Variants in GOLT1B observed in about 807,000 individuals in gnomAD.
The protein encoded by GOLT1B is vesicle transport protein GOT1B.
GOLT1B carries 3 observed loss-of-function variants against 15.4 expected under a neutral mutation model. That is an observed-to-expected ratio of 0.19 (90% CI 0.09 to 0.50). GOLT1B has a LOEUF of 0.50. Ranked by LOEUF, GOLT1B falls within the 20% of genes least tolerant of loss-of-function variation. GOLT1B has a pLI of 0.97. For synonymous variants in GOLT1B, 65 were observed against 56.2 expected, an observed-to-expected ratio of 1.16 and a Z score of -0.70; for missense variants, 145 against 160.4, an observed-to-expected ratio of 0.90 and a Z score of 0.52.
At position 21,508,433 on chromosome 12, in the gene GOLT1B, C is replaced by A; in HGVS notation, c.168C>A (p.Phe56Leu). Residue 56 changes from phenylalanine (F) to leucine (L), a missense_variant, in exon 3 of 5, where the codon TTC (phenylalanine) becomes TTA (leucine). Coordinates refer to ENST00000229314, the MANE Select transcript of GOLT1B (RefSeq NM_016072.5). The stretch of plus-strand genomic sequence containing the variant: ...TTGTAATTGGTTTAGAAAGAACATT[C>A]AGATTCTTCTTCCAAAAACATAAAA... ...LAFVIGLERT[F>L]RFFFQKHKMK... is the part of the protein sequence containing the mutation. 2 of 1,595,756 alleles carry A rather than the reference C, an allele frequency of 1.3e-6. No individual in the cohort carries two copies. Among genetic ancestry groups the A allele is most frequent in the Non-Finnish European group, 8.6e-7 (1 of 1,165,840 alleles).
intron 3 of GOLT1B, among the ~76,000 whole-genome samples, chr12:21,509,205 C>T (rs1350492217): frequency 2.0e-5 from 3 of 151,958 alleles, no homozygotes; most frequent in Non-Finnish European, 4.4e-5. Flanking sequence ...TCAAGACCAG[C>T]CTGGCCAGCA....
chr12:21,506,938 A>G lies in GOLT1B; in HGVS notation c.79A>G (p.Ile27Val). The G allele has an allele frequency of 1.3e-6, 2 of 1,514,430 alleles. No homozygotes were observed. The highest frequency in any genetic ancestry group is 1.8e-6 in the Non-Finnish European group (2 of 1,091,906). 93.8% of individuals were successfully genotyped at this position (1,514,430 alleles called of 1,614,324 possible). A position where few individuals can be genotyped will look rare whatever the true frequency, so the allele number is the denominator to read the frequency against. The change falls in exon 2 of 5, where the codon ATT becomes GTT. Residue 27 changes from isoleucine (I) to valine (V), a missense_variant. Coordinates refer to ENST00000229314, the MANE Select transcript of GOLT1B (RefSeq NM_016072.5). ...AGTGTTTTTCCTGTTCTTTGGAATG[A>G]TTCTCTTTTTTGACAAAGCACTACT... ...FGVFFLFFGM[I>V]LFFDKALLAI...
At chr12:21,514,871 A>T (rs1329957098) in intron 4 of GOLT1B, among the ~76,000 whole-genome samples, 1 of 152,084 alleles carries the variant, frequency 6.6e-6, no homozygotes, top group Non-Finnish European at 1.5e-5. Context: ...GTGAATCGTG[A>T]AACAAAATAA....
chr12:21,515,915 C>G lies in GOLT1B; in HGVS notation c.*208C>G, dbSNP rs1302685407. ...CTCAAGTGAACTAAGAAGAAGTCAGCAAGCAAACTGAGAGAGGTGAAATCC... is the reference window on the plus strand; with the variant it reads ...CTCAAGTGAACTAAGAAGAAGTCAGGAAGCAAACTGAGAGAGGTGAAATCC... On this transcript the variant is annotated 3_prime_UTR_variant, in exon 5 of 5. Transcript: ENST00000229314. 2.3e-6 allele frequency: 1 copy of G among 438,642 alleles called. No homozygotes were observed. The highest frequency in any genetic ancestry group is 4.0e-6 in the Non-Finnish European group (1 of 251,524). The allele number at this position is 438,642 out of a possible 1,614,324, so 27.2% of individuals were successfully genotyped here. A position where few individuals can be genotyped will look rare whatever the true frequency, so the allele number is the denominator to read the frequency against.
intron 4 of GOLT1B, chr12:21,515,291 G>A: frequency 7.7e-7 from 1 of 1,290,880 alleles, no homozygotes; most frequent in African/African-American, 1.5e-5. Context: ...ATATCTTATT[G>A]GGTTCATTAA....
chr12:21,502,302 C>G (rs1441239425), intron 1 of GOLT1B, among the ~76,000 whole-genome samples: 1 of 152,174 alleles, frequency 6.6e-6, no homozygotes, highest in African/African-American at 2.4e-5. Flanking sequence ...TTGCGTGGTG[C>G]CCGCGGCCCA....
intron 4 of GOLT1B, chr12:21,515,208 C>T (rs1487441894): frequency 7.8e-7 from 1 of 1,275,004 alleles, no homozygotes. Flanking sequence ...AACTATTGAA[C>T]TTAATGGAGT....
intron 1 of GOLT1B, among the ~76,000 whole-genome samples, chr12:21,503,666 TAAAAC>T (rs1290374217): frequency 6.6e-6 from 1 of 152,230 alleles, no homozygotes; most frequent in Admixed American, 6.5e-5. Context: ...GATTGAAACA[TAAAAC>T]GATTAGTGAA....
intron 1 of GOLT1B, 73 bp downstream of exon 1, chr12:21,502,021 CG>C (rs1336250244): frequency 4.7e-6 from 5 of 1,063,568 alleles, no homozygotes; most frequent in Admixed American, 1.8e-5. Flanking sequence ...GCCCCTCCGC[CG>C]GGGTCAATGA....
chr12:21,507,219 TAGATTAAATGAAGGCTG>T (rs2136804630), intron 2 of GOLT1B: 1 of 442,128 alleles, frequency 2.3e-6, no homozygotes, highest in South Asian at 2.3e-5. Context: ...AGATTTACAA[TAGATTAAATGAAGGCTG>T]CCTCTAAATA....
In GOLT1B at chr12:21,508,889, GTAGA is replaced by G. The variant is rs60378515; in HGVS notation, c.296+358_296+361del. On this transcript the variant is annotated intron_variant, in intron 3 of 4. Transcript: ENST00000229314. ...GATCGATCAATCGGTAGGTAGGTAG[GTAGA>G]TAGATAGATAGATAGATAGATAGAT... is the stretch of plus-strand genomic sequence containing the variant. Among the ~76,000 whole-genome samples the G allele has an allele frequency of 7.2e-3, 469 of 65,366 alleles. 4 individuals are homozygous for G. Among genetic ancestry groups the G allele is most frequent in the African/African-American group, 0.012 (342 of 29,708 alleles). The allele number at this position is 65,366 out of a possible 152,430, so 42.9% of individuals were successfully genotyped here. A position where few individuals can be genotyped will look rare whatever the true frequency, so the allele number is the denominator to read the frequency against.
At chr12:21,514,642 C>T (rs909455564) in intron 4 of GOLT1B, among the ~76,000 whole-genome samples, 1 of 152,160 alleles carries the variant, frequency 6.6e-6, no homozygotes, top group African/African-American at 2.4e-5. Flanking sequence ...TAGGGGTATA[C>T]TCTGATTTCA....
intron 1 of GOLT1B, among the ~76,000 whole-genome samples, chr12:21,503,774 C>G (rs977269556): frequency 6.6e-6 from 1 of 152,108 alleles, no homozygotes; most frequent in Non-Finnish European, 1.5e-5. Flanking sequence ...CAGGATTATT[C>G]TGGGATTTTG....
rs1190324224 is a variant in GOLT1B, at chr12:21,516,066, G to C, written c.*359G>C. 5.7e-6 allele frequency: 1 copy of C among 174,714 alleles called. No individual in the cohort carries two copies. Among genetic ancestry groups the C allele is most frequent in the Non-Finnish European group, 1.2e-5 (1 of 83,684 alleles). The allele number at this position is 174,714 out of a possible 1,614,324, so 10.8% of individuals were successfully genotyped here. ...TTCTTTTTATTTTGAAGGCTCAGGA[G>C]CATCCATAGGCATTTGCTTTTTAGA... On this transcript the variant is annotated 3_prime_UTR_variant, in exon 5 of 5. Transcript: ENST00000229314.
chr12:21,504,778 C>G (rs1038411727), intron 1 of GOLT1B, among the ~76,000 whole-genome samples: 1 of 152,162 alleles, frequency 6.6e-6, no homozygotes, highest in Non-Finnish European at 1.5e-5. Flanking sequence ...GTAAACCATA[C>G]TCAGAGATTG....
Position 21,518,285 on chromosome 12 carries a change from C to A in GOLT1B, c.*2578C>A, listed in dbSNP as rs546250055. ...TTTATCAAATGATCTTCACATCTTT[C>A]ATTTCCAAATTGTTGAAATGTACTA... On this transcript the variant is annotated 3_prime_UTR_variant, in exon 5 of 5. Transcript: ENST00000229314. The A allele has an allele frequency of 1.4e-4, 22 of 152,266 alleles. No homozygotes were observed. The East Asian group carries it at 4.3e-3, about 29-fold the overall frequency. 9.4% of individuals were successfully genotyped at this position (152,266 alleles called of 1,614,324 possible).
intron 3 of GOLT1B, among the ~76,000 whole-genome samples, chr12:21,510,349 G>C (rs1274169948): frequency 6.6e-6 from 1 of 152,206 alleles, no homozygotes; most frequent in African/African-American, 2.4e-5. Context: ...AGCACCTTAA[G>C]AAGTAAGAAA....
At chr12:21,514,570 T>C (rs1260044118) in intron 4 of GOLT1B, among the ~76,000 whole-genome samples, 1 of 152,222 alleles carries the variant, frequency 6.6e-6, no homozygotes, top group African/African-American at 2.4e-5. Flanking sequence ...AGAGCAACTT[T>C]TAGTTTCAGT....
intron 4 of GOLT1B, 101 bp downstream of exon 4, chr12:21,512,477 G>T: frequency 1.4e-6 from 1 of 714,398 alleles, no homozygotes; most frequent in South Asian, 1.6e-5. Flanking sequence ...GCTGAGTTTT[G>T]TATTATGATA....
Sources: allele counts gnomAD v4.1 joint callset (sites outside exome capture counted in the v4.1 genomes callset), GRCh38; gene constraint gnomAD v4.1.1; transcripts MANE v1.5; gene names NCBI Gene and HGNC (gene_info 2026-07-23, HGNC 2026-07-21).